DOCK2: variants seen among roughly 807,000 people sequenced by gnomAD.
DOCK2 encodes the protein dedicator of cytokinesis protein 2.
In DOCK2, 87 loss-of-function variants were observed where a neutral mutation model predicts 248.9. The observed-to-expected ratio is 0.35, with a 90% CI of 0.29 to 0.42. DOCK2 has a LOEUF of 0.42. Ranked by LOEUF, DOCK2 falls within the 10% of genes least tolerant of loss-of-function variation. The pLI is 1.00. For missense variants in DOCK2, 1,747 were observed against 2,300.2 expected, an observed-to-expected ratio of 0.76 and a Z score of 4.92; for synonymous variants, 805 against 821.6, an observed-to-expected ratio of 0.98 and a Z score of 0.35.
chr5:169,887,393 A>G (rs954791612), intron 27 of DOCK2, among the ~76,000 whole-genome samples: 1 of 152,208 alleles, frequency 6.6e-6, no homozygotes, highest in African/African-American at 2.4e-5. Flanking sequence ...CTGAAATCTT[A>G]CCACCCAGAA....
At chr5:170,029,032 G>A (rs1472390801) in intron 34 of DOCK2, among the ~76,000 whole-genome samples, 1 of 152,106 alleles carries the variant, frequency 6.6e-6, no homozygotes. Context: ...TGATTCTTCT[G>A]TGAGCATGCA....
At chr5:170,024,986 A>T (rs545619946) in intron 33 of DOCK2, among the ~76,000 whole-genome samples, 119 of 152,220 alleles carry the variant, frequency 7.8e-4, no homozygotes, top group Non-Finnish European at 1.0e-3. Flanking sequence ...TCAGCTCACC[A>T]GGAAGAATCA....
intron 47 of DOCK2, 37 bp downstream of exon 47, chr5:170,076,121 G>A: frequency 6.2e-7 from 1 of 1,604,694 alleles, no homozygotes; most frequent in Non-Finnish European, 8.5e-7. Flanking sequence ...GGGTGGGATT[G>A]TGCAGGGTGG....
At chr5:169,689,595 A>G (rs921140139) in intron 9 of DOCK2, among the ~76,000 whole-genome samples, 2 of 152,260 alleles carry the variant, frequency 1.3e-5, no homozygotes, top group Non-Finnish European at 2.9e-5. Flanking sequence ...GCAGAATGCT[A>G]CATAAACAAG....
At chr5:170,035,418 T>TATTGCC (rs1256923966) in intron 35 of DOCK2, among the ~76,000 whole-genome samples, 2 of 152,166 alleles carry the variant, frequency 1.3e-5, no homozygotes, top group African/African-American at 4.8e-5. Context: ...ACAGCCTAGA[T>TATTGCC]ATTGCCATTG....
At chr5:170,045,679 T>G in intron 38 of DOCK2, 137 bp from the exon 39 acceptor site, 5 of 808,122 alleles carry the variant, frequency 6.2e-6, no homozygotes, top group African/African-American at 1.7e-5. Context: ...GGCCCCTCTG[T>G]ATGGGGGTGG....
intron 22 of DOCK2, among the ~76,000 whole-genome samples, chr5:169,719,344 C>T (rs75541118): frequency 0.014 from 2,093 of 152,252 alleles, 45 homozygotes; most frequent in African/African-American, 0.045. Flanking sequence ...TATTCAAATG[C>T]AATTTATAGA....
At chr5:170,009,841 C>T (rs769128582) in intron 32 of DOCK2, among the ~76,000 whole-genome samples, 1 of 152,270 alleles carries the variant, frequency 6.6e-6, no homozygotes, top group Non-Finnish European at 1.5e-5. Context: ...TTGCTGATAG[C>T]ATCAGACTCG....
intron 6 of DOCK2, among the ~76,000 whole-genome samples, chr5:169,675,181 T>C (rs868106357): frequency 4.6e-5 from 7 of 152,162 alleles, no homozygotes; most frequent in African/African-American, 1.7e-4. Flanking sequence ...AGCTAGTAAA[T>C]GACAGAATCT....
In DOCK2 at chr5:169,882,666, G is replaced by A; in HGVS notation, c.2799+41814G>A. 2.6e-6 allele frequency: 4 copies of A among 1,552,070 alleles called. No individual in the cohort carries two copies. The South Asian group carries it at 4.8e-5, about 18-fold the overall frequency. ...CCACAGATTGCAGTCGGCCTTGGAG[G>A]TCGCAGAGTTCACCCCGTGCCAGGT... is the stretch of plus-strand genomic sequence containing the variant. On this transcript the variant is annotated intron_variant, in intron 27 of 51. Transcript: ENST00000520908.
chr5:169,934,374 T>C lies in DOCK2; in HGVS notation c.2800-48694T>C, dbSNP rs372319834. Reference sequence around the variant, plus strand: ...GAGTGGATCATAGCCAATACCACCCTGTGTTGTTCCCACTAATTTACCTAT... The same window carrying C: ...GAGTGGATCATAGCCAATACCACCCCGTGTTGTTCCCACTAATTTACCTAT... On this transcript the variant is annotated intron_variant, in intron 27 of 51. Transcript: ENST00000520908. Among the ~76,000 whole-genome samples the C allele has an allele frequency of 3.0e-4, 46 of 152,298 alleles. 1 individual carries two copies. Among genetic ancestry groups the C allele is most frequent in the South Asian group, 2.1e-3 (10 of 4,828 alleles).
chr5:170,036,411 C>A, intron 35 of DOCK2, 104 bp from the exon 36 acceptor site: 2 of 1,179,384 alleles, frequency 1.7e-6, no homozygotes, highest in South Asian at 1.4e-5. Context: ...TCAGGGTACC[C>A]AGATACTAGA....
intron 30 of DOCK2, among the ~76,000 whole-genome samples, chr5:170,001,403 G>A (rs1373699690): frequency 6.6e-6 from 1 of 152,118 alleles, no homozygotes; most frequent in Non-Finnish European, 1.5e-5. Flanking sequence ...AACCAACAAA[G>A]CTGAAAGGAC....
chr5:169,772,480 C>T (rs1219702964), intron 25 of DOCK2, among the ~76,000 whole-genome samples: 5 of 152,278 alleles, frequency 3.3e-5, no homozygotes, highest in East Asian at 1.9e-4. Flanking sequence ...CAGCAACTGA[C>T]GTTTATTGAC....
intron 27 of DOCK2, among the ~76,000 whole-genome samples, chr5:169,858,579 G>A (rs1408674143): frequency 1.3e-5 from 2 of 152,188 alleles, no homozygotes; most frequent in Non-Finnish European, 2.9e-5. Context: ...TCGGGCCAGA[G>A]CAACATACCT....
chr5:170,057,198 C>T, intron 43 of DOCK2: 1 of 371,472 alleles, frequency 2.7e-6, no homozygotes, highest in South Asian at 2.4e-5. Flanking sequence ...GAGGTGTCTC[C>T]AAGTCTCAGC....
chr5:169,670,588 A>T lies in DOCK2; in HGVS notation c.215A>T (p.Glu72Val), dbSNP rs1375534866. 21 of 1,614,112 alleles carry T rather than the reference A, an allele frequency of 1.3e-5. No homozygotes were observed. Among genetic ancestry groups the T allele is most frequent in the Non-Finnish European group, 1.7e-5 (20 of 1,179,996 alleles). ...SFIHIKEVTV[E>V]KRRNTENIIP... ...ATCCACATCAAGGAAGTGACAGTTG[A>T]GAAAAGAAGGTATTTGCCATTCTTC... Residue 72 changes from glutamate to valine, a missense_variant, in exon 4 of 52, where the codon GAG (glutamate) becomes GTG (valine). Glu to Val is a moderately radical substitution (Grantham distance 121). This residue lies in a region of DOCK2 where 375 missense variants were observed against 510.9 expected (regional missense o/e 0.73). Transcript: ENST00000520908.
At chr5:170,051,382 T>C (rs76757304) in intron 41 of DOCK2, among the ~76,000 whole-genome samples, 13,048 of 152,216 alleles carry the variant, frequency 0.086, 1,413 homozygotes, top group African/African-American at 0.25. Context: ...TCTGTTCCTG[T>C]GATATGCCCA....
chr5:169,943,067 A>C (rs545541998), intron 27 of DOCK2, among the ~76,000 whole-genome samples: 36 of 152,220 alleles, frequency 2.4e-4, no homozygotes, highest in Admixed American at 5.2e-4. Context: ...AGGAACCTGC[A>C]GGTCTTTGGA....
Sources: gnomAD v4.1 joint callset for allele counts (sites outside exome capture counted in the v4.1 genomes callset) on GRCh38, gnomAD v4.1.1 for gene constraint, gnomAD v4.1.1 regional missense constraint, MANE v1.5 for transcripts, NCBI Gene and HGNC (gene_info 2026-07-23, HGNC 2026-07-21) for gene names.